Variants in MAPK10 observed in about 807,000 individuals in gnomAD.
MAPK10 encodes mitogen-activated protein kinase 10.
Under a neutral mutation model 59.3 loss-of-function variants are expected in MAPK10, and 25 were observed. That is an observed-to-expected ratio of 0.42 (90% CI 0.31 to 0.59). The LOEUF is 0.59. Ranked by LOEUF, MAPK10 falls within the 20% of genes least tolerant of loss-of-function variation. The pLI, the probability that MAPK10 is intolerant of heterozygous loss-of-function variation, is 0.15. For synonymous variants in MAPK10, 190 were observed against 200.5 expected, an observed-to-expected ratio of 0.95 and a Z score of 0.44; for missense variants, 351 against 568.9, an observed-to-expected ratio of 0.62 and a Z score of 3.90.
In MAPK10 at chr4:86,031,295, C is replaced by T; in HGVS notation, c.1174+73G>A. The T allele has an allele frequency of 7.4e-6, 8 of 1,079,418 alleles. No individual in the cohort carries two copies. In the Admixed American group the frequency reaches 1.4e-4, roughly 19 times the overall value. The allele number at this position is 1,079,418 out of a possible 1,614,324, so 66.9% of individuals were successfully genotyped here. A position where few individuals can be genotyped will look rare whatever the true frequency, so the allele number is the denominator to read the frequency against. On this transcript the variant is annotated intron_variant, in intron 12 of 13. Coordinates refer to ENST00000641462, the MANE Select transcript of MAPK10 (RefSeq NM_138982.4). ...AATCATTTTTTAGTAAATTGTTTTA[C>T]AAGGAAAAGCCTTGTTGATACTTTC...
chr4:86,440,460 G>T (rs1278006847), intron 1 of MAPK10, among the ~76,000 whole-genome samples: 5 of 151,850 alleles, frequency 3.3e-5, no homozygotes, highest in African/African-American at 1.2e-4. Flanking sequence ...GTGAGATCCT[G>T]TCTCTACAAA....
At chr4:86,157,154 CAGTCCAAAGTGGGGG>C (rs1364038274) in intron 4 of MAPK10, among the ~76,000 whole-genome samples, 1 of 151,888 alleles carries the variant, frequency 6.6e-6, no homozygotes, top group African/African-American at 2.4e-5. Flanking sequence ...AGAAATAAAA[CAGTCCAAAGTGGGGG>C]AAAAGATTGT....
Position 86,548,421 on chromosome 4 carries a change from AG to A in MAPK10, c.-263+45488del, listed in dbSNP as rs145701967. Reference sequence around the variant, plus strand: ...TTCATTCCTGAAGTCAGTGAGACCAAGAACCCACCAATTCCGGACACAATAG... The same window carrying A: ...TTCATTCCTGAAGTCAGTGAGACCAAAACCCACCAATTCCGGACACAATAG... On this transcript the variant is annotated intron_variant, in intron 1 of 4. Coordinates refer to the MAPK10 transcript ENST00000502302. 8.3e-4 allele frequency among the ~76,000 whole-genome samples: 127 copies of A among 152,318 alleles called. 1 individual carries two copies. Among genetic ancestry groups the A allele is most frequent in the African/African-American group, 2.9e-3 (119 of 41,574 alleles).
intron 1 of MAPK10, among the ~76,000 whole-genome samples, chr4:86,573,952 T>C (rs894335125): frequency 1.3e-5 from 2 of 152,208 alleles, no homozygotes; most frequent in African/African-American, 2.4e-5. Flanking sequence ...ATGTGCACAA[T>C]GTGCAGGTTA....
chr4:86,565,057 G>C (rs1760962986), intron 1 of MAPK10, among the ~76,000 whole-genome samples: 1 of 152,170 alleles, frequency 6.6e-6, no homozygotes, highest in Admixed American at 6.5e-5. Flanking sequence ...GTGCAGCTGG[G>C]TGCAAATGTG....
At position 86,535,794 on chromosome 4, in the gene MAPK10, T is replaced by C. The variant is rs139673911; in HGVS notation, c.-263+58116A>G. On this transcript the variant is annotated intron_variant, in intron 1 of 4. Coordinates refer to the MAPK10 transcript ENST00000502302. Reference sequence around the variant, plus strand: ...TGAAAAACAAGCTGAGCCAAAAGAATGTGATCTACCAAATTCCCAGGGCTG... The same window carrying C: ...TGAAAAACAAGCTGAGCCAAAAGAACGTGATCTACCAAATTCCCAGGGCTG... Among the ~76,000 whole-genome samples the C allele has an allele frequency of 8.1e-4, 124 of 152,344 alleles. 1 individual carries two copies. Among genetic ancestry groups the C allele is most frequent in the Non-Finnish European group, 1.0e-3 (71 of 68,028 alleles).
chr4:86,548,463 G>T (rs963558390), intron 1 of MAPK10, among the ~76,000 whole-genome samples: 1 of 152,144 alleles, frequency 6.6e-6, no homozygotes, highest in Non-Finnish European at 1.5e-5. Context: ...AACTGCTATG[G>T]TTTGGATCTC....
intron 3 of MAPK10, among the ~76,000 whole-genome samples, chr4:86,189,239 T>G (rs1230437951): frequency 6.6e-6 from 1 of 152,202 alleles, no homozygotes; most frequent in East Asian, 1.9e-4. Flanking sequence ...TCTTTTTTGG[T>G]TCCATATGAA....
At chr4:86,576,506 G>T (rs1167522026) in intron 1 of MAPK10, among the ~76,000 whole-genome samples, 5 of 152,116 alleles carry the variant, frequency 3.3e-5, no homozygotes, top group East Asian at 1.9e-4. Flanking sequence ...CGGGCGCGGT[G>T]GCTCACGCCT....
chr4:86,190,178 T>C (rs1457538296), intron 3 of MAPK10, among the ~76,000 whole-genome samples: 1 of 152,186 alleles, frequency 6.6e-6, no homozygotes. Flanking sequence ...TTTACATTGA[T>C]GTTCATCAGG....
At chr4:86,336,423 CA>C (rs1018987353) in intron 2 of MAPK10, 1 of 152,200 alleles carries the variant, frequency 6.6e-6, no homozygotes, top group African/African-American at 2.4e-5. Context: ...GAGCTTCTAT[CA>C]AGTAATTGGG....
intron 1 of MAPK10, among the ~76,000 whole-genome samples, chr4:86,542,038 G>C (rs11733860): frequency 2.1e-3 from 317 of 151,220 alleles, no homozygotes; most frequent in Non-Finnish European, 3.3e-3. Flanking sequence ...ATCCTATCTG[G>C]ATAATCAAGT....
In MAPK10 at chr4:86,359,736, A is replaced by G; in HGVS notation, c.-200T>C. On this transcript the variant is annotated 5_prime_UTR_variant, in exon 1 of 14. Coordinates refer to ENST00000641462, the MANE Select transcript of MAPK10 (RefSeq NM_138982.4). ...CCTCCCTACTTGTTTTTCATTAACC[A>G]CATTCCAGACTAACATGGAAGAGAT... is the stretch of plus-strand genomic sequence containing the variant. The G allele has an allele frequency of 1.0e-6, 1 of 985,742 alleles. No homozygotes were observed. The allele number at this position is 985,742 out of a possible 1,614,324, so 61.1% of individuals were successfully genotyped here.
intron 1 of MAPK10, among the ~76,000 whole-genome samples, chr4:86,412,766 C>T (rs1360933666): frequency 2.0e-5 from 3 of 152,164 alleles, no homozygotes; most frequent in African/African-American, 7.2e-5. Flanking sequence ...CATTTAAGGT[C>T]TTCTCTACAC....
intron 2 of MAPK10, among the ~76,000 whole-genome samples, chr4:86,202,815 G>C (rs939627444): frequency 6.6e-6 from 1 of 151,958 alleles, no homozygotes; most frequent in Non-Finnish European, 1.5e-5. Context: ...ATCTTTCCTA[G>C]TTTGCATTAC....
intron 1 of MAPK10, among the ~76,000 whole-genome samples, chr4:86,488,648 T>C (rs1184526602): frequency 1.3e-5 from 2 of 152,236 alleles, no homozygotes; most frequent in Non-Finnish European, 2.9e-5. Context: ...TGCCTGTAGA[T>C]ACCTCCAGAG....
At chr4:86,027,227 A>T (rs1750782394) in intron 13 of MAPK10, 1 of 152,198 alleles carries the variant, frequency 6.6e-6, no homozygotes, top group Non-Finnish European at 1.5e-5. Flanking sequence ...TTTTAACTAT[A>T]AATTGGTTAA....
chr4:86,389,360 G>A (rs1296009612), intron 1 of MAPK10, among the ~76,000 whole-genome samples: 3 of 152,080 alleles, frequency 2.0e-5, no homozygotes, highest in African/African-American at 7.2e-5. Flanking sequence ...TTTTCTTATA[G>A]CAGTGCAAAA....
At chr4:86,224,981 C>A (rs11947870) in intron 2 of MAPK10, among the ~76,000 whole-genome samples, 12,945 of 152,174 alleles carry the variant, frequency 0.085, 1,221 homozygotes, top group African/African-American at 0.23. Context: ...CCCAAAGGAA[C>A]CTTGAAGTTA....
Sources: gnomAD v4.1 joint callset for allele counts (sites outside exome capture counted in the v4.1 genomes callset) on GRCh38, gnomAD v4.1.1 for gene constraint, MANE v1.5 for transcripts, NCBI Gene and HGNC (gene_info 2026-07-23, HGNC 2026-07-21) for gene names.